PREX2: variants seen among roughly 807,000 people sequenced by gnomAD.
PREX2 encodes the protein phosphatidylinositol-3,4,5-trisphosphate dependent Rac exchange factor 2, also known as phosphatidylinositol 3,4,5-trisphosphate-dependent Rac exchanger 2 protein.
A neutral mutation model predicts 203.2 loss-of-function variants in PREX2; 107 were observed. The observed-to-expected ratio is 0.53, with a 90% CI of 0.45 to 0.62. PREX2 has a LOEUF of 0.62. Among genes scored for constraint, PREX2 ranks in the 20% least tolerant of loss-of-function variants. PREX2 has a pLI of 0.00. For synonymous variants in PREX2, 672 were observed against 663.6 expected (o/e 1.01, Z -0.19); for missense variants, 1,777 against 1,955.9 (o/e 0.91, Z 1.72).
chr8:68,183,793 A>C (rs1463992013), intron 35 of PREX2, among the ~76,000 whole-genome samples: 1 of 152,174 alleles, frequency 6.6e-6, no homozygotes, highest in African/African-American at 2.4e-5. Flanking sequence ...ACTACCTCTC[A>C]CAACATCATT....
chr8:68,090,581 A>T lies in PREX2; in HGVS notation c.2116A>T (p.Thr706Ser), dbSNP rs61738008. The change falls in exon 20 of 40, where the codon ACT becomes TCT. Residue 706 changes from threonine to serine, a missense_variant and splice_region_variant. Coordinates refer to ENST00000288368, the MANE Select transcript of PREX2 (RefSeq NM_024870.4). Reference protein sequence around the residue: ...PSVVHAVGRGTVAAAAGLHPG... With the variant: ...PSVVHAVGRGSVAAAAGLHPG... ...TATTTTCTCATTTGTATTTATAGGAACTGTGGCTGCAGCAGCTGGTCTTCA... is the reference window on the plus strand; with the variant it reads ...TATTTTCTCATTTGTATTTATAGGATCTGTGGCTGCAGCAGCTGGTCTTCA... 6.4e-3 allele frequency: 10,214 copies of T among 1,604,166 alleles called. 255 individuals carry two copies. The African/African-American group carries it at 0.075, about 12-fold the overall frequency.
Position 68,055,934 on chromosome 8 carries a change from A to G in PREX2, c.1198A>G (p.Lys400Glu). 1 of 1,613,370 alleles carries G rather than the reference A, an allele frequency of 6.2e-7. No homozygotes were observed. Among genetic ancestry groups the G allele is most frequent in the Non-Finnish European group, 8.5e-7 (1 of 1,179,728 alleles). Residue 400 changes from lysine to glutamate, a missense_variant, in exon 10 of 40, where the codon AAG becomes GAG. By Grantham distance (56) the Lys-to-Glu change is moderately conservative. Transcript: ENST00000288368. ...ACAAGGAAATCTGATCAAAGACCGA[A>G]AGAGAAAACTGACTACGTTCCCTAA... ...CRQGNLIKDRKRKLTTFPKCF... is the reference protein window; with the variant it reads ...CRQGNLIKDRERKLTTFPKCF...
At chr8:67,974,285 C>T (rs1489864012) in intron 1 of PREX2, among the ~76,000 whole-genome samples, 1 of 151,688 alleles carries the variant, frequency 6.6e-6, no homozygotes, top group Non-Finnish European at 1.5e-5. Flanking sequence ...TACAATTTGC[C>T]AGTATCTTGG....
intron 34 of PREX2, among the ~76,000 whole-genome samples, chr8:68,147,151 TTTC>T (rs1374222544): frequency 6.6e-6 from 1 of 152,200 alleles, no homozygotes; most frequent in Admixed American, 6.5e-5. Context: ...ATTTTATTTT[TTTC>T]TTCTTTTGAG....
chr8:67,983,622 A>G (rs1026083982), intron 1 of PREX2, among the ~76,000 whole-genome samples: 3 of 152,250 alleles, frequency 2.0e-5, no homozygotes, highest in Non-Finnish European at 4.4e-5. Flanking sequence ...AATTTCCAGC[A>G]GTATCCTCTT....
At chr8:68,047,478 T>TATATATATATATATATACAC (rs1554570833) in intron 8 of PREX2, among the ~76,000 whole-genome samples, 15 of 44,372 alleles carry the variant, frequency 3.4e-4, no homozygotes, top group African/African-American at 2.9e-3. Flanking sequence ...TTTATATATA[T>TATATATATATATATATACAC]ATATATATAT....
chr8:68,099,017 G>T (rs1810181035), intron 22 of PREX2, among the ~76,000 whole-genome samples: 1 of 144,712 alleles, frequency 6.9e-6, no homozygotes, highest in South Asian at 2.2e-4. Context: ...AATTCTTAGT[G>T]ATTGATGGTA....
rs527720857 is a variant in PREX2, at chr8:68,182,821, G to A, written c.4347-8901G>A. On this transcript the variant is annotated intron_variant, in intron 35 of 39. Transcript: ENST00000288368. ...ATTTAGCACAAGGAACAGGATGAGTGCAACTCAGTATAATAGAGCTGGATA... is the reference window on the plus strand; with the variant it reads ...ATTTAGCACAAGGAACAGGATGAGTACAACTCAGTATAATAGAGCTGGATA... Among the ~76,000 whole-genome samples, 16 of 151,936 alleles carry A rather than the reference G, an allele frequency of 1.1e-4. No homozygotes were observed. In the South Asian group the frequency reaches 3.3e-3, roughly 32 times the overall value.
intron 25 of PREX2, among the ~76,000 whole-genome samples, 171 bp downstream of exon 25, chr8:68,109,794 A>G (rs1285198926): frequency 2.6e-5 from 4 of 152,204 alleles, no homozygotes; most frequent in Non-Finnish European, 4.4e-5. Flanking sequence ...AATGGAAAAA[A>G]TACATATAGG....
At position 68,197,774 on chromosome 8, in the gene PREX2, CTATATATATGCTATAT is replaced by C. The variant is rs966590164; in HGVS notation, c.4604+5266_4604+5281del. Among the ~76,000 whole-genome samples, 7 of 147,164 alleles carry C rather than the reference CTATATATATGCTATAT, an allele frequency of 4.8e-5. No homozygotes were observed. In the East Asian group the frequency reaches 7.8e-4, roughly 16 times the overall value. On this transcript the variant is annotated intron_variant, in intron 37 of 39. Transcript: ENST00000288368. Reference sequence around the variant, plus strand: ...ATATATATGCTATATTATATATATGCTATATATATGCTATATTATATATATGCTATATATATGCTAC... The same window carrying C: ...ATATATATGCTATATTATATATATGCTATATATATGCTATATATATGCTAC...
At chr8:68,156,914 T>G (rs1380812881) in intron 34 of PREX2, among the ~76,000 whole-genome samples, 1 of 152,186 alleles carries the variant, frequency 6.6e-6, no homozygotes, top group African/African-American at 2.4e-5. Context: ...TCTACTCGGT[T>G]TTCAGAGTTT....
intron 1 of PREX2, among the ~76,000 whole-genome samples, chr8:67,981,290 G>A (rs1341862743): frequency 2.6e-5 from 4 of 152,180 alleles, no homozygotes; most frequent in African/African-American, 9.7e-5. Context: ...TCAAGGGATT[G>A]CAATTTGTTC....
chr8:68,039,015 C>G (rs1433161753), intron 7 of PREX2, among the ~76,000 whole-genome samples: 1 of 152,220 alleles, frequency 6.6e-6, no homozygotes, highest in Non-Finnish European at 1.5e-5. Context: ...ATATCATCCT[C>G]TATCCTCCTA....
intron 25 of PREX2, among the ~76,000 whole-genome samples, chr8:68,113,728 G>A (rs1810582274): frequency 6.6e-6 from 1 of 152,140 alleles, no homozygotes; most frequent in Admixed American, 6.5e-5. Context: ...TTCCTTCCCT[G>A]CTTTCTTTTT....
intron 25 of PREX2, 147 bp downstream of exon 25, chr8:68,109,770 T>C (rs1810500991): frequency 1.5e-6 from 1 of 660,804 alleles, no homozygotes; most frequent in Admixed American, 3.1e-5. Flanking sequence ...TCCAAAACCT[T>C]AAAAATGTTT....
intron 1 of PREX2, among the ~76,000 whole-genome samples, chr8:67,966,722 A>G (rs1275836224): frequency 6.6e-6 from 1 of 152,224 alleles, no homozygotes; most frequent in Non-Finnish European, 1.5e-5. Context: ...GCAATGAATC[A>G]GGCAACCTAA....
intron 33 of PREX2, among the ~76,000 whole-genome samples, chr8:68,142,945 T>A (rs1168321701): frequency 6.6e-6 from 1 of 152,198 alleles, no homozygotes. Context: ...CACATCCTTG[T>A]CAGCATTTGG....
intron 38 of PREX2, among the ~76,000 whole-genome samples, chr8:68,218,242 G>T (rs1812883612): frequency 6.6e-6 from 1 of 152,004 alleles, no homozygotes; most frequent in African/African-American, 2.4e-5. Context: ...ACTGTCTTCG[G>T]GTCACTGGAG....
At position 68,234,422 on chromosome 8, in the gene PREX2, G is replaced by C. The variant is rs2129615747; in HGVS notation, c.*3044G>C. The C allele has an allele frequency of 6.6e-6, 1 of 152,178 alleles. No individual in the cohort carries two copies. Among genetic ancestry groups the C allele is most frequent in the East Asian group, 1.9e-4 (1 of 5,174 alleles). 9.4% of individuals were successfully genotyped at this position (152,178 alleles called of 1,614,324 possible). On this transcript the variant is annotated 3_prime_UTR_variant, in exon 40 of 40. Coordinates refer to ENST00000288368, the MANE Select transcript of PREX2 (RefSeq NM_024870.4). ...AAGTTTGGATTTTAACTTAGAGCCT[G>C]ACTCAAAAATAATTGTGAACTAAAA...
Sources: allele counts gnomAD v4.1 joint callset (sites outside exome capture counted in the v4.1 genomes callset), GRCh38; gene constraint gnomAD v4.1.1; transcripts MANE v1.5; gene names NCBI Gene and HGNC (gene_info 2026-07-23, HGNC 2026-07-21).